The following FAT4 variants were observed in gnomAD, a reference collection of about 807,000 sequenced individuals.
FAT4 encodes FAT atypical cadherin 4, also known as protocadherin Fat 4.
A neutral mutation model predicts 303.9 loss-of-function variants in FAT4; 84 were observed. The observed-to-expected ratio is 0.28, with a 90% CI of 0.23 to 0.33. The LOEUF is 0.33. Among genes scored for constraint, FAT4 ranks in the 10% least tolerant of loss-of-function variants. The probability of loss-of-function intolerance (pLI) is 1.00; values close to 1 mark genes in which losing one functional copy is unlikely to be tolerated. For synonymous variants in FAT4, 2,307 were observed against 2,298.8 expected (o/e 1.00, Z -0.10); for missense variants, 6,005 against 6,146.8 (o/e 0.98, Z 0.77).
intron 7 of FAT4, among the ~76,000 whole-genome samples, chr4:125,432,078 AG>A (rs1292541539): frequency 4.6e-5 from 7 of 152,160 alleles, no homozygotes; most frequent in African/African-American, 1.7e-4. Context: ...CACAAACTTA[AG>A]CTGGCCAGTA....
chr4:125,405,305 C>A (rs534534596), intron 3 of FAT4, among the ~76,000 whole-genome samples: 13 of 152,146 alleles, frequency 8.5e-5, no homozygotes, highest in Admixed American at 2.6e-4. Flanking sequence ...TTGAGGACCT[C>A]CATACTGTTT....
At chr4:125,390,254 C>A (rs1353706829) in intron 2 of FAT4, among the ~76,000 whole-genome samples, 1 of 152,094 alleles carries the variant, frequency 6.6e-6, no homozygotes, top group Non-Finnish European at 1.5e-5. Context: ...AAGGTCAGGT[C>A]ATAGAGTGTT....
intron 8 of FAT4, among the ~76,000 whole-genome samples, chr4:125,440,171 A>G (rs1404802045): frequency 6.6e-6 from 1 of 152,130 alleles, no homozygotes; most frequent in Non-Finnish European, 1.5e-5. Flanking sequence ...AATGCATTGA[A>G]TGAACGATTT....
intron 7 of FAT4, among the ~76,000 whole-genome samples, chr4:125,429,490 G>T (rs1003877728): frequency 2.6e-5 from 4 of 152,170 alleles, no homozygotes; most frequent in South Asian, 2.1e-4. Flanking sequence ...ACTTAGAAAA[G>T]ATTTTTTTTA....
chr4:125,397,997 TC>T (rs34857372), intron 2 of FAT4, among the ~76,000 whole-genome samples: 1 of 152,160 alleles, frequency 6.6e-6, no homozygotes, highest in Non-Finnish European at 1.5e-5. Flanking sequence ...CAGCTGTCTT[TC>T]CCCTTTTCTT....
chr4:125,451,122 T>C lies in FAT4; in HGVS notation c.10112T>C (p.Val3371Ala). The C allele has an allele frequency of 6.2e-7, 1 of 1,613,962 alleles. No individual in the cohort carries two copies. Reference protein sequence around the residue: ...GILDREKEERVSLKVLAKNFG... With the variant: ...GILDREKEERASLKVLAKNFG... ...CTTGATCGAGAAAAAGAAGAAAGGG[T>C]GTCTTTGAAGGTATTGGCCAAGAAC... The change falls in exon 10 of 18, where the codon GTG becomes GCG. Residue 3371 changes from valine to alanine, a missense_variant. Transcript: ENST00000394329.
chr4:125,464,488 CTT>C (rs35860222), intron 11 of FAT4, among the ~76,000 whole-genome samples: 3 of 142,258 alleles, frequency 2.1e-5, no homozygotes, highest in Non-Finnish European at 3.1e-5. Flanking sequence ...TGTCTCTTTT[CTT>C]TTTTTTTTTG....
At chr4:125,433,118 C>T (rs1304525785) in intron 7 of FAT4, among the ~76,000 whole-genome samples, 1 of 152,040 alleles carries the variant, frequency 6.6e-6, no homozygotes, top group Non-Finnish European at 1.5e-5. Context: ...AAGGAAATAC[C>T]AGCAAATCAC....
At chr4:125,334,924 C>T (rs529311613) in intron 2 of FAT4, among the ~76,000 whole-genome samples, 153 of 152,174 alleles carry the variant, frequency 1.0e-3, no homozygotes, top group African/African-American at 3.5e-3. Context: ...GCAACGCCAG[C>T]TTAATATTTT....
At chr4:125,344,390 G>A (rs1313360312) in intron 2 of FAT4, among the ~76,000 whole-genome samples, 1 of 151,994 alleles carries the variant, frequency 6.6e-6, no homozygotes, top group Non-Finnish European at 1.5e-5. Flanking sequence ...ACTTTTCCTT[G>A]TGAGTTTACT....
Position 125,446,455 on chromosome 4 carries a change from G to C in FAT4, c.7362G>C (p.Val2454=). Residue 2454 remains valine (V), a synonymous_variant, in exon 9 of 18, where the codon GTG becomes GTC. Transcript: ENST00000394329. ...SPEPLSSSTS[V]LVTVTDVNDN... ...AGCCTCTTTCCAGTTCCACCAGTGT[G>C]CTTGTCACTGTGACTGATGTCAATG... 6.2e-7 allele frequency: 1 copy of C among 1,613,462 alleles called. No individual in the cohort carries two copies. Among genetic ancestry groups the C allele is most frequent in the African/African-American group, 1.3e-5 (1 of 74,960 alleles).
At chr4:125,381,617 C>A (rs1294171209) in intron 2 of FAT4, among the ~76,000 whole-genome samples, 1 of 152,156 alleles carries the variant, frequency 6.6e-6, no homozygotes, top group African/African-American at 2.4e-5. Context: ...GAGGATCCTA[C>A]CTTAATGTTG....
In FAT4 at chr4:125,425,586, A is replaced by T. The variant is rs115457441; in HGVS notation, c.7019-8659A>T. On this transcript the variant is annotated intron_variant, in intron 7 of 17. Transcript: ENST00000394329. Reference sequence around the variant, plus strand: ...TCCCCTCAATAAATAAAAAATATGTATCCAAGGGTTTTATTAAGTATAAAG... The same window carrying T: ...TCCCCTCAATAAATAAAAAATATGTTTCCAAGGGTTTTATTAAGTATAAAG... Among the ~76,000 whole-genome samples the T allele has an allele frequency of 3.3e-3, 510 of 152,278 alleles. 3 individuals carry two copies. Among genetic ancestry groups the T allele is most frequent in the African/African-American group, 0.011 (478 of 41,580 alleles).
chr4:125,412,026 G>T (rs1351016156), intron 5 of FAT4, among the ~76,000 whole-genome samples: 2 of 151,530 alleles, frequency 1.3e-5, no homozygotes, highest in Non-Finnish European at 3.0e-5. Flanking sequence ...AATTTAAATT[G>T]CAACACTTAT....
At chr4:125,385,910 T>C (rs1411092653) in intron 2 of FAT4, among the ~76,000 whole-genome samples, 3 of 152,196 alleles carry the variant, frequency 2.0e-5, no homozygotes, top group Non-Finnish European at 4.4e-5. Flanking sequence ...CAATGAAAAA[T>C]AGAAAACAAA....
chr4:125,352,756 A>G (rs1030615980), intron 2 of FAT4, among the ~76,000 whole-genome samples: 1 of 151,630 alleles, frequency 6.6e-6, no homozygotes, highest in African/African-American at 2.4e-5. Context: ...GCACGCATAC[A>G]TTGCCCTTTT....
intron 2 of FAT4, among the ~76,000 whole-genome samples, chr4:125,374,132 G>C (rs929461146): frequency 6.6e-6 from 1 of 152,072 alleles, no homozygotes; most frequent in Non-Finnish European, 1.5e-5. Flanking sequence ...ACAGTCTGCC[G>C]GTTCTAAAGT....
At chr4:125,400,716 T>A (rs76422888) in intron 3 of FAT4, among the ~76,000 whole-genome samples, 1 of 151,298 alleles carries the variant, frequency 6.6e-6, no homozygotes, top group Non-Finnish European at 1.5e-5. Context: ...TTTTTAAGTT[T>A]AAAAAAAAAT....
intron 16 of FAT4, among the ~76,000 whole-genome samples, chr4:125,484,334 C>A (rs944087746): frequency 2.0e-5 from 3 of 152,010 alleles, no homozygotes; most frequent in African/African-American, 4.8e-5. Context: ...ACTTTGTAGG[C>A]CAATATTTAA....
Sources: gnomAD v4.1 joint callset for allele counts (sites outside exome capture counted in the v4.1 genomes callset) on GRCh38, gnomAD v4.1.1 for gene constraint, MANE v1.5 for transcripts, NCBI Gene and HGNC (gene_info 2026-07-23, HGNC 2026-07-21) for gene names.